Variants in RYR2 observed in about 807,000 individuals in gnomAD.
RYR2 encodes the protein cardiac muscle ryanodine receptor-calcium release channel.
RYR2 carries 227 observed loss-of-function variants against 601.1 expected under a neutral mutation model. The ratio of observed to expected loss-of-function variants is 0.38; its 90% CI spans 0.34 to 0.42. The LOEUF (loss-of-function observed/expected upper bound fraction) is 0.42, where lower values mean the gene tolerates loss of function less well. Among genes scored for constraint, RYR2 ranks in the 10% least tolerant of loss-of-function variants. The pLI, the probability that RYR2 is intolerant of heterozygous loss-of-function variation, is 1.00. For missense variants in RYR2, 4,646 were observed against 6,156.5 expected (o/e 0.75, Z 8.21); for synonymous variants, 2,223 against 2,175.1 (o/e 1.02, Z -0.61).
chr1:237,760,699 T>C (rs1157210282), intron 83 of RYR2, among the ~76,000 whole-genome samples: 5 of 152,236 alleles, frequency 3.3e-5, no homozygotes, highest in African/African-American at 1.2e-4. Context: ...GGCTTTGTAA[T>C]GTACTCCCCA....
chr1:237,051,346 C>T (rs897613946), intron 1 of RYR2, among the ~76,000 whole-genome samples: 6 of 143,728 alleles, frequency 4.2e-5, no homozygotes, highest in South Asian at 2.5e-4. Context: ...CCTCCCCTCT[C>T]GTCTTCTCTC....
At chr1:237,278,112 C>T (rs1029082547) in intron 2 of RYR2, among the ~76,000 whole-genome samples, 1 of 151,556 alleles carries the variant, frequency 6.6e-6, no homozygotes, top group Non-Finnish European at 1.5e-5. Flanking sequence ...GCTGTTTTGC[C>T]CAGGCTAGAG....
At chr1:237,112,528 G>T (rs1024175953) in intron 1 of RYR2, among the ~76,000 whole-genome samples, 12 of 150,118 alleles carry the variant, frequency 8.0e-5, no homozygotes, top group African/African-American at 2.7e-4. Context: ...CTTTAGGCAG[G>T]GAGGAGAACT....
intron 27 of RYR2, among the ~76,000 whole-genome samples, chr1:237,559,064 G>A (rs1471994373): frequency 6.7e-6 from 1 of 149,526 alleles, no homozygotes; most frequent in Non-Finnish European, 1.5e-5. Context: ...GCGTGATCTC[G>A]GCTCACTGCA....
chr1:237,225,515 G>A lies in RYR2; in HGVS notation c.49-44982G>A, dbSNP rs183796256. Among the ~76,000 whole-genome samples, 1,033 of 152,248 alleles carry A rather than the reference G, an allele frequency of 6.8e-3. 12 individuals are homozygous for A. Among genetic ancestry groups the A allele is most frequent in the South Asian group, 0.03 (145 of 4,828 alleles). Reference sequence around the variant, plus strand: ...TCGCTACCATGAGAACAGTATGGGGGAAACCTCCCCCATGATTCAGTTATG... The same window carrying A: ...TCGCTACCATGAGAACAGTATGGGGAAAACCTCCCCCATGATTCAGTTATG... On this transcript the variant is annotated intron_variant, in intron 1 of 104. Transcript: ENST00000366574.
chr1:237,220,103 A>T (rs1165240867), intron 1 of RYR2, among the ~76,000 whole-genome samples: 1 of 152,166 alleles, frequency 6.6e-6, no homozygotes, highest in Non-Finnish European at 1.5e-5. Context: ...AGATGCCTGG[A>T]TGGCTGGTGA....
intron 34 of RYR2, among the ~76,000 whole-genome samples, chr1:237,597,522 C>T (rs887803031): frequency 2.0e-5 from 3 of 151,668 alleles, no homozygotes; most frequent in African/African-American, 4.8e-5. Context: ...CCTTGTGATC[C>T]GCTCACCTCG....
At chr1:237,658,102 T>G (rs189850267) in intron 54 of RYR2, 80 bp downstream of exon 54, 1 of 790,510 alleles carries the variant, frequency 1.3e-6, no homozygotes, top group African/African-American at 1.8e-5. Context: ...CCATGACAGT[T>G]TTCTGTTTTA....
chr1:237,645,862 T>C (rs1024429185), intron 48 of RYR2, among the ~76,000 whole-genome samples: 5 of 151,270 alleles, frequency 3.3e-5, no homozygotes, highest in African/African-American at 1.2e-4. Flanking sequence ...ATTTGTTAGA[T>C]CTCTGCTTTT....
intron 1 of RYR2, among the ~76,000 whole-genome samples, chr1:237,237,615 T>A (rs921222415): frequency 1.3e-5 from 2 of 152,154 alleles, no homozygotes; most frequent in African/African-American, 2.4e-5. Context: ...ACATGACAGA[T>A]AACAGGCCCT....
Position 237,828,402 on chromosome 1 carries a change from G to A in RYR2, c.14612G>A (p.Gly4871Glu). The change falls in exon 102 of 105, where the codon GGA (glycine) becomes GAA (glutamate). Residue 4871 changes from glycine to glutamate, a missense_variant. Gly to Glu is a moderately conservative substitution (Grantham distance 98). This residue lies in a region of RYR2 where 55 missense variants were observed against 204.7 expected (regional missense o/e 0.27). Transcript: ENST00000366574. ...IIQGLIIDAF[G>E]ELRDQQEQVK... Reference sequence around the variant, plus strand: ...CCAGGTCTAATTATTGATGCTTTTGGAGAACTAAGAGACCAACAGGAACAA... The same window carrying A: ...CCAGGTCTAATTATTGATGCTTTTGAAGAACTAAGAGACCAACAGGAACAA... The A allele has an allele frequency of 1.3e-6, 2 of 1,563,834 alleles. No homozygotes were observed. Among genetic ancestry groups the A allele is most frequent in the Non-Finnish European group, 8.7e-7 (1 of 1,151,640 alleles).
At chr1:237,332,523 T>G (rs890260209) in intron 3 of RYR2, among the ~76,000 whole-genome samples, 1 of 152,228 alleles carries the variant, frequency 6.6e-6, no homozygotes, top group Non-Finnish European at 1.5e-5. Context: ...ATTCTCAATT[T>G]AGTTTCATTT....
chr1:237,135,125 A>C (rs1392286084), intron 1 of RYR2, among the ~76,000 whole-genome samples: 2 of 152,216 alleles, frequency 1.3e-5, no homozygotes, highest in Admixed American at 6.5e-5. Flanking sequence ...GCATGCTTTC[A>C]ATGCCTTATG....
intron 10 of RYR2, among the ~76,000 whole-genome samples, chr1:237,412,827 G>A (rs1704580956): frequency 6.6e-6 from 1 of 152,130 alleles, no homozygotes; most frequent in Non-Finnish European, 1.5e-5. Context: ...CAGCTGGAAA[G>A]GGCATTTGCT....
intron 27 of RYR2, among the ~76,000 whole-genome samples, chr1:237,562,866 C>T (rs998339455): frequency 1.3e-5 from 2 of 152,060 alleles, no homozygotes; most frequent in Non-Finnish European, 2.9e-5. Context: ...CTGCTATATC[C>T]GGAGCCCGGA....
chr1:237,134,435 T>C (rs1409233591), intron 1 of RYR2, among the ~76,000 whole-genome samples: 1 of 152,180 alleles, frequency 6.6e-6, no homozygotes, highest in Non-Finnish European at 1.5e-5. Flanking sequence ...GGATGTCTTA[T>C]ATGGCAGCAG....
intron 35 of RYR2, among the ~76,000 whole-genome samples, chr1:237,605,815 C>T (rs530737096): frequency 3.5e-4 from 54 of 152,162 alleles, no homozygotes; most frequent in Non-Finnish European, 7.2e-4. Context: ...CTCCCATTCA[C>T]AATTGCTTCC....
intron 27 of RYR2, among the ~76,000 whole-genome samples, chr1:237,554,409 G>T (rs1457285727): frequency 2.0e-5 from 3 of 151,694 alleles, no homozygotes; most frequent in Admixed American, 1.3e-4. Flanking sequence ...TTTTGCTTAG[G>T]ACTTTTGTAG....
At chr1:237,776,002 A>G (rs2149326890) in intron 87 of RYR2, among the ~76,000 whole-genome samples, 1 of 152,324 alleles carries the variant, frequency 6.6e-6, no homozygotes, top group African/African-American at 2.4e-5. Context: ...ACTTTTGGTC[A>G]CCTAGGGGTT....
Sources: gnomAD v4.1 joint callset for allele counts (sites outside exome capture counted in the v4.1 genomes callset) on GRCh38, gnomAD v4.1.1 for gene constraint, gnomAD v4.1.1 regional missense constraint, MANE v1.5 for transcripts, NCBI Gene and HGNC (gene_info 2026-07-23, HGNC 2026-07-21) for gene names.